Variants in PCDH15 observed in about 807,000 individuals in gnomAD.
PCDH15 encodes protocadherin related 15.
A neutral mutation model predicts 178.5 loss-of-function variants in PCDH15; 129 were observed. That is an observed-to-expected ratio of 0.72 (90% CI 0.63 to 0.84). PCDH15 has a LOEUF of 0.84. Among genes scored for constraint, PCDH15 ranks in the 40% least tolerant of loss-of-function variants. PCDH15 has a pLI of 0.00. For missense variants in PCDH15, 2,230 were observed against 2,099.9 expected (o/e 1.06, Z -1.21); for synonymous variants, 800 against 732.0 (o/e 1.09, Z -1.50).
chr10:54,585,617 T>TTG lies in PCDH15; in HGVS notation c.92-57741_92-57740insCA, dbSNP rs201958665. ...ATCAGTCCTCCTAGCAATATGTGTT[T>TTG]TTTTTTTTTTTAATTTAAGACTTGG... On this transcript the variant is annotated intron_variant, in intron 2 of 37. Transcript: ENST00000644397. The TTG allele has an allele frequency of 7.1e-3, 559 of 78,358 alleles. 1 individual carries two copies. Among genetic ancestry groups the TTG allele is most frequent in the South Asian group, 0.019 (118 of 6,324 alleles). The allele number at this position is 78,358 out of a possible 1,614,324, so 4.9% of individuals were successfully genotyped here.
chr10:54,714,994 A>G (rs762902578), intron 1 of PCDH15, among the ~76,000 whole-genome samples: 1 of 152,110 alleles, frequency 6.6e-6, no homozygotes, highest in Non-Finnish European at 1.5e-5. Flanking sequence ...AACTGTTTTC[A>G]TGATTAAGCT....
At chr10:54,295,442 T>C (rs901412962) in intron 8 of PCDH15, among the ~76,000 whole-genome samples, 3 of 152,212 alleles carry the variant, frequency 2.0e-5, no homozygotes, top group Admixed American at 2.0e-4. Flanking sequence ...GTGGAAGTTT[T>C]GTTCTTTGGC....
At chr10:55,550,278 C>T (rs573856791) in intron 2 of PCDH15, among the ~76,000 whole-genome samples, 109 of 152,184 alleles carry the variant, frequency 7.2e-4, no homozygotes, top group African/African-American at 2.3e-3. Flanking sequence ...GGTGGTGAAA[C>T]TTACTCTGTT....
At chr10:54,577,058 T>C (rs992158010) in intron 2 of PCDH15, among the ~76,000 whole-genome samples, 18 of 150,180 alleles carry the variant, frequency 1.2e-4, no homozygotes, top group African/African-American at 4.2e-4. Context: ...GCACAGAATG[T>C]ATACCTGAAA....
At chr10:54,941,239 G>A (rs753297573) in intron 2 of PCDH15, among the ~76,000 whole-genome samples, 25 of 151,874 alleles carry the variant, frequency 1.6e-4, no homozygotes, top group Non-Finnish European at 4.4e-5. Flanking sequence ...CACCTCCATA[G>A]TCAATTTAAC....
intron 2 of PCDH15, among the ~76,000 whole-genome samples, chr10:55,548,210 GCACACACACACACA>G (rs200097115): frequency 0.022 from 2,650 of 121,282 alleles, 91 homozygotes; most frequent in African/African-American, 0.069. Context: ...AATGCCTAAT[GCACACACACACACA>G]CACACACACA....
chr10:55,048,511 T>C (rs1841071880), intron 2 of PCDH15, among the ~76,000 whole-genome samples: 1 of 151,932 alleles, frequency 6.6e-6, no homozygotes, highest in Admixed American at 6.6e-5. Context: ...TAATTGTTTT[T>C]AAAAAGTTAC....
chr10:54,058,292 T>C (rs1354579694), intron 18 of PCDH15, among the ~76,000 whole-genome samples: 2 of 152,182 alleles, frequency 1.3e-5, no homozygotes, highest in Non-Finnish European at 2.9e-5. Context: ...AACACATACC[T>C]GAGACTGGGT....
chr10:53,869,371 C>T (rs1046596733), intron 26 of PCDH15, among the ~76,000 whole-genome samples: 21 of 152,072 alleles, frequency 1.4e-4, no homozygotes, highest in Non-Finnish European at 2.9e-4. Flanking sequence ...AAGGCATATT[C>T]CCAGCTAAAA....
intron 32 of PCDH15, chr10:53,821,318 T>C: frequency 1.0e-6 from 1 of 987,390 alleles, no homozygotes; most frequent in African/African-American, 1.7e-5. Context: ...AGATTTATTT[T>C]GAAATACCTT....
At chr10:54,859,911 C>A (rs966260952) in intron 3 of PCDH15, among the ~76,000 whole-genome samples, 4 of 151,854 alleles carry the variant, frequency 2.6e-5, no homozygotes, top group Non-Finnish European at 5.9e-5. Flanking sequence ...AATTCTCCAA[C>A]CTTTTTTCTA....
At chr10:54,706,616 G>A (rs768414677) in intron 1 of PCDH15, among the ~76,000 whole-genome samples, 1 of 152,006 alleles carries the variant, frequency 6.6e-6, no homozygotes, top group Non-Finnish European at 1.5e-5. Flanking sequence ...TGGGGGCGAG[G>A]AAGACATATT....
intron 2 of PCDH15, among the ~76,000 whole-genome samples, chr10:55,342,673 T>C (rs571950050): frequency 8.9e-4 from 135 of 152,194 alleles, no homozygotes; most frequent in African/African-American, 3.0e-3. Flanking sequence ...GGACTAAAAT[T>C]AGAAGCAGCC....
intron 2 of PCDH15, among the ~76,000 whole-genome samples, chr10:54,573,697 T>C (rs866029868): frequency 1.1e-4 from 2 of 17,702 alleles, no homozygotes; most frequent in Admixed American, 4.2e-4. Context: ...TAGCCTTATC[T>C]TTATCGATAG....
intron 2 of PCDH15, among the ~76,000 whole-genome samples, chr10:55,070,101 C>T (rs949645622): frequency 4.0e-5 from 6 of 150,870 alleles, no homozygotes; most frequent in African/African-American, 1.5e-4. Flanking sequence ...TGTTCATGTC[C>T]TTCGCCCACT....
chr10:55,017,592 A>G (rs926729396), intron 2 of PCDH15, among the ~76,000 whole-genome samples: 1 of 152,140 alleles, frequency 6.6e-6, no homozygotes, highest in African/African-American at 2.4e-5. Context: ...TGTAAATCAC[A>G]TGTATTATTG....
At chr10:54,265,081 A>C (rs1329197140) in intron 8 of PCDH15, among the ~76,000 whole-genome samples, 1 of 152,160 alleles carries the variant, frequency 6.6e-6, no homozygotes, top group East Asian at 1.9e-4. Context: ...AAACCTTACA[A>C]TCCAGCAGAG....
At chr10:54,927,370 A>T (rs1054000374) in intron 2 of PCDH15, among the ~76,000 whole-genome samples, 7 of 152,088 alleles carry the variant, frequency 4.6e-5, no homozygotes, top group African/African-American at 1.7e-4. Context: ...AATCAATTTT[A>T]TAGTGTGTGA....
intron 1 of PCDH15, among the ~76,000 whole-genome samples, chr10:55,243,234 C>T (rs1304253940): frequency 6.6e-6 from 1 of 152,138 alleles, no homozygotes; most frequent in Non-Finnish European, 1.5e-5. Flanking sequence ...TGCACAGCTT[C>T]CCCCAAACAC....
Sources: allele counts gnomAD v4.1 joint callset (sites outside exome capture counted in the v4.1 genomes callset), GRCh38; gene constraint gnomAD v4.1.1; transcripts MANE v1.5; gene names NCBI Gene and HGNC (gene_info 2026-07-23, HGNC 2026-07-21).